SPCS2: variants seen among roughly 807,000 people sequenced by gnomAD.
SPCS2 encodes SPase 25 kDa subunit.
A neutral mutation model predicts 22.3 loss-of-function variants in SPCS2; 3 were observed. The observed-to-expected ratio is 0.13, with a 90% CI of 0.06 to 0.35. The LOEUF is 0.35. Ranked by LOEUF, SPCS2 falls within the 10% of genes least tolerant of loss-of-function variation. The pLI is 1.00. For missense variants in SPCS2, 169 were observed against 280.9 expected, an observed-to-expected ratio of 0.60 and a Z score of 2.85; for synonymous variants, 67 against 97.2, an observed-to-expected ratio of 0.69 and a Z score of 1.83.
intron 4 of SPCS2, among the ~76,000 whole-genome samples, chr11:74,974,624 TG>T (rs1815197182): frequency 6.6e-6 from 1 of 152,228 alleles, no homozygotes; most frequent in South Asian, 2.1e-4. Flanking sequence ...TTTTTTGTTT[TG>T]TTTTTTTGAG....
chr11:74,968,989 G>T (rs528803115), intron 3 of SPCS2, among the ~76,000 whole-genome samples: 53 of 152,196 alleles, frequency 3.5e-4, no homozygotes, highest in South Asian at 1.0e-3. Context: ...AATTTAAATG[G>T]CACAGTATAC....
At chr11:74,970,789 T>G (rs1948579683) in intron 4 of SPCS2, among the ~76,000 whole-genome samples, 1 of 152,234 alleles carries the variant, frequency 6.6e-6, no homozygotes, top group Admixed American at 6.5e-5. Context: ...AGTTGCAGAA[T>G]TCTAAAACCT....
chr11:74,974,220 C>T (rs1948603321), intron 4 of SPCS2, among the ~76,000 whole-genome samples: 1 of 152,008 alleles, frequency 6.6e-6, no homozygotes. Context: ...CATTTTTTTA[C>T]ATTTGAAATG....
At chr11:74,956,362 C>T (rs1304223031) in intron 1 of SPCS2, among the ~76,000 whole-genome samples, 1 of 152,190 alleles carries the variant, frequency 6.6e-6, no homozygotes, top group Non-Finnish European at 1.5e-5. Context: ...ATGTATCAGG[C>T]ATCAATAGCC....
intron 1 of SPCS2, among the ~76,000 whole-genome samples, chr11:74,951,467 G>A (rs1015104532): frequency 2.6e-5 from 4 of 152,070 alleles, no homozygotes; most frequent in South Asian, 2.1e-4. Context: ...TACTTGTTAC[G>A]GAAGTTCAAA....
intron 1 of SPCS2, among the ~76,000 whole-genome samples, chr11:74,955,649 A>G (rs921491462): frequency 6.6e-6 from 1 of 151,850 alleles, no homozygotes; most frequent in Non-Finnish European, 1.5e-5. Flanking sequence ...TGAGTATACT[A>G]AAAACCACTG....
chr11:74,951,881 T>C (rs978213776), intron 1 of SPCS2, among the ~76,000 whole-genome samples: 1 of 150,128 alleles, frequency 6.7e-6, no homozygotes, highest in Non-Finnish European at 1.5e-5. Flanking sequence ...ACTGGCACCT[T>C]ATTTGGGGGG....
chr11:74,951,023 T>C (rs570145820), intron 1 of SPCS2, among the ~76,000 whole-genome samples: 47 of 152,352 alleles, frequency 3.1e-4, no homozygotes, highest in Middle Eastern at 6.8e-3. Flanking sequence ...CTCTTGCTCT[T>C]CCTTGCACTT....
chr11:74,955,376 T>C (rs1047841537), intron 1 of SPCS2, among the ~76,000 whole-genome samples: 6 of 152,192 alleles, frequency 3.9e-5, no homozygotes, highest in Non-Finnish European at 5.9e-5. Flanking sequence ...TACAATGGAA[T>C]ATAATTTGAC....
intron 1 of SPCS2, among the ~76,000 whole-genome samples, chr11:74,954,672 A>G (rs964843564): frequency 1.3e-5 from 2 of 152,318 alleles, no homozygotes; most frequent in South Asian, 2.1e-4. Context: ...TGGCCTTTTA[A>G]TACTGTTGCA....
chr11:74,955,729 T>TAAA (rs1948473809), intron 1 of SPCS2, among the ~76,000 whole-genome samples: 2 of 151,416 alleles, frequency 1.3e-5, no homozygotes, highest in African/African-American at 2.4e-5. Flanking sequence ...AAACTTATTT[T>TAAA]TGTCTTTCCT....
chr11:74,955,860 A>AAT (rs1948475510), intron 1 of SPCS2, among the ~76,000 whole-genome samples: 1 of 87,888 alleles, frequency 1.1e-5, no homozygotes, highest in South Asian at 3.1e-4. Flanking sequence ...AAATATATAT[A>AAT]TATATATATA....
chr11:74,961,434 A>G (rs1948513659), intron 1 of SPCS2, among the ~76,000 whole-genome samples: 2 of 152,228 alleles, frequency 1.3e-5, no homozygotes, highest in Non-Finnish European at 2.9e-5. Context: ...CCCTTGGATA[A>G]TAAGGATTCA....
intron 1 of SPCS2, among the ~76,000 whole-genome samples, chr11:74,951,366 T>A (rs1187475222): frequency 3.3e-5 from 5 of 152,172 alleles, no homozygotes; most frequent in African/African-American, 1.2e-4. Context: ...TCAAGAATCC[T>A]ACTGTCAGAG....
rs201130703 is a variant in SPCS2, at chr11:74,949,623, C to T, written c.114+224C>T. The T allele has an allele frequency of 2.7e-4, 160 of 595,502 alleles. 1 individual carries two copies. In the East Asian group the frequency reaches 3.1e-3, roughly 12 times the overall value. The allele number at this position is 595,502 out of a possible 1,614,324, so 36.9% of individuals were successfully genotyped here. ...AACTTCTTCTTTTCTCGCAAGTGTT[C>T]TGGTCCTGGTCGCCACACCTTTTTC... On this transcript the variant is annotated intron_variant, in intron 1 of 4. Coordinates refer to ENST00000263672, the MANE Select transcript of SPCS2 (RefSeq NM_014752.3).
chr11:74,952,916 TGACA>T (rs201354370), intron 1 of SPCS2, among the ~76,000 whole-genome samples: 1,672 of 152,334 alleles, frequency 0.011, 33 homozygotes, highest in African/African-American at 0.036. Context: ...TCACTTAATA[TGACA>T]TACTGTCTTG....
At chr11:74,949,628 C>T (rs1029788409) in intron 1 of SPCS2, 8 of 591,928 alleles carry the variant, frequency 1.4e-5, no homozygotes, top group Admixed American at 4.3e-5. Flanking sequence ...GTGTTCTGGT[C>T]CTGGTCGCCA....
intron 1 of SPCS2, chr11:74,963,634 T>C (rs1277844450): frequency 2.3e-6 from 1 of 436,732 alleles, no homozygotes; most frequent in Non-Finnish European, 4.6e-6. Context: ...GGACTCGAGC[T>C]CCTGGGCTCA....
rs1462037173 is a variant in SPCS2 at position 74,977,120 on chromosome 11, C to G, written c.*77C>G. On this transcript the variant is annotated 3_prime_UTR_variant, in exon 5 of 5. Coordinates refer to ENST00000263672, the MANE Select transcript of SPCS2 (RefSeq NM_014752.3). ...TGGGGGGTGGGGGAGATAAAAAGAACTTAAAATGGGTAAAGTAAGAAATGT... is the reference window on the plus strand; with the variant it reads ...TGGGGGGTGGGGGAGATAAAAAGAAGTTAAAATGGGTAAAGTAAGAAATGT... The G allele has an allele frequency of 5.8e-6, 6 of 1,041,020 alleles. No individual in the cohort carries two copies. In the African/African-American group the frequency reaches 9.8e-5, roughly 17 times the overall value. 64.5% of individuals were successfully genotyped at this position (1,041,020 alleles called of 1,614,324 possible).
Sources: allele counts gnomAD v4.1 joint callset (sites outside exome capture counted in the v4.1 genomes callset), GRCh38; gene constraint gnomAD v4.1.1; transcripts MANE v1.5; gene names NCBI Gene and HGNC (gene_info 2026-07-23, HGNC 2026-07-21).